The following TLN1 variants were observed in gnomAD, a reference collection of about 807,000 sequenced individuals.
TLN1 encodes the protein talin 1, also known as talin-1.
In TLN1, 56 loss-of-function variants were observed where a neutral mutation model predicts 292.3. The observed-to-expected ratio is 0.19, with a 90% CI of 0.15 to 0.24. The LOEUF (loss-of-function observed/expected upper bound fraction) is 0.24. TLN1 is among the 10% of genes least tolerant of loss of function. TLN1 has a pLI of 1.00. For missense variants in TLN1, 2,433 were observed against 3,248.2 expected (o/e 0.75, Z 6.10); for synonymous variants, 1,119 against 1,253.7 (o/e 0.89, Z 2.27).
At chr9:35,711,901 G>A in intron 28 of TLN1, 104 bp downstream of exon 28, 1 of 1,592,820 alleles carries the variant, frequency 6.3e-7, no homozygotes, top group South Asian at 1.1e-5. Context: ...TAATGAAAGG[G>A]GACAGATCTG....
intron 9 of TLN1, 34 bp downstream of exon 9, chr9:35,722,085 A>C: frequency 6.3e-7 from 1 of 1,580,644 alleles, no homozygotes; most frequent in Non-Finnish European, 8.7e-7. Context: ...AGAGTGGGAA[A>C]CAAGGAGGGC....
chr9:35,714,468 GCTTGGTATTGGGAAAGAGGCT>G lies in TLN1; in HGVS notation c.2985+85_2986-96del, dbSNP rs1825741219. 6 of 1,575,990 alleles carry G rather than the reference GCTTGGTATTGGGAAAGAGGCT, an allele frequency of 3.8e-6. No individual in the cohort carries two copies. In the Admixed American group the frequency reaches 1.0e-4, roughly 27 times the overall value. ...TGGTCAGGATGTAGGGAACACTGGG[GCTTGGTATTGGGAAAGAGGCT>G]CTTGGCAGAGATTCAAACTGTGGGA... On this transcript the variant is annotated intron_variant, in intron 23 of 56. Transcript: ENST00000314888. This position sits in a 1 kb window ranked among gnomAD's most constrained non-coding sequence, Gnocchi z 4.6.
rs1587984093 is a variant in TLN1, at chr9:35,714,440, T to C, written c.2986-67A>G. On this transcript the variant is annotated intron_variant, in intron 23 of 56. Coordinates refer to ENST00000314888, the MANE Select transcript of TLN1 (RefSeq NM_006289.4). The surrounding 1 kb of genome is among the most constrained non-coding windows in gnomAD (Gnocchi z 4.6). ...CTCTGGGCTTGGGTACAAGGACTGATGATGGTCAGGATGTAGGGAACACTG... is the reference window on the plus strand; with the variant it reads ...CTCTGGGCTTGGGTACAAGGACTGACGATGGTCAGGATGTAGGGAACACTG... 1.9e-6 allele frequency: 3 copies of C among 1,575,942 alleles called. No individual in the cohort carries two copies. The highest frequency in any genetic ancestry group is 2.7e-5 in the African/African-American group (2 of 74,418).
Position 35,717,133 on chromosome 9 carries a change from G to A in TLN1, c.2458+13C>T, listed in dbSNP as rs769408641. 1.9e-6 allele frequency: 3 copies of A among 1,584,992 alleles called. No homozygotes were observed. Among genetic ancestry groups the A allele is most frequent in the African/African-American group, 1.3e-5 (1 of 74,258 alleles). On this transcript the variant is annotated intron_variant, in intron 19 of 56. Transcript: ENST00000314888. This position sits in a 1 kb window ranked among gnomAD's most constrained non-coding sequence, Gnocchi z 4.7. ...GGTAGGGTTTTTTGTTTTCCTGGGG[G>A]TGCGTGTCTTACCAGCATCACCCAT...
intron 1 of TLN1, among the ~76,000 whole-genome samples, chr9:35,729,931 G>T (rs1256054044): frequency 3.9e-5 from 6 of 152,140 alleles, no homozygotes; most frequent in Admixed American, 6.5e-5. Context: ...GTTAGTGACT[G>T]CATCAGGCTG....
Position 35,719,758 on chromosome 9 carries a change from C to A in TLN1, c.1560G>T (p.Pro520=). The A allele has an allele frequency of 6.2e-7, 1 of 1,608,748 alleles. No homozygotes were observed. Among genetic ancestry groups the A allele is most frequent in the Non-Finnish European group, 8.5e-7 (1 of 1,177,448 alleles). The part of the protein sequence containing the change: ...QATLDDFDTL[P]PLGQDAASKA... ...TACTTACAGCATCCTGGCCAAGAGG[C>A]GGCAGAGTGTCAAAGTCATCCAGGG... Residue 520 remains proline (P), a synonymous_variant, in exon 14 of 57, where the codon CCG becomes CCT. Coordinates refer to ENST00000314888, the MANE Select transcript of TLN1 (RefSeq NM_006289.4). This position sits in a 1 kb window ranked among gnomAD's most constrained non-coding sequence, Gnocchi z 4.6.
chr9:35,712,411 C>T (rs571220556), intron 27 of TLN1, among the ~76,000 whole-genome samples: 26 of 152,118 alleles, frequency 1.7e-4, no homozygotes, highest in Admixed American at 3.3e-4. Context: ...TATGGGAGGC[C>T]GAGGGGGGCA....
Position 35,699,343 on chromosome 9 carries a change from G to C in TLN1, c.6874+13C>G. ...GGGTTTTCCATCCGTCCCTGTCCCT[G>C]GTCACCCCTCACCCTTCATGGCTTC... On this transcript the variant is annotated intron_variant, in intron 51 of 56. Transcript: ENST00000314888. This position sits in a 1 kb window ranked among gnomAD's most constrained non-coding sequence, Gnocchi z 4.0. The C allele has an allele frequency of 6.2e-7, 1 of 1,605,550 alleles. No individual in the cohort carries two copies. Among genetic ancestry groups the C allele is most frequent in the South Asian group, 1.1e-5 (1 of 89,838 alleles).
chr9:35,713,637 T>C (rs1348457472), intron 25 of TLN1, among the ~76,000 whole-genome samples: 1 of 151,190 alleles, frequency 6.6e-6, no homozygotes, highest in Non-Finnish European at 1.5e-5. Flanking sequence ...TGAGCTGAGA[T>C]TGCACAACTG....
chr9:35,725,606 C>T lies in TLN1; in HGVS notation c.89G>A (p.Arg30His), dbSNP rs772875479. 4.3e-6 allele frequency: 7 copies of T among 1,613,706 alleles called. No homozygotes were observed. The highest frequency in any genetic ancestry group is 3.3e-5 in the South Asian group (3 of 91,084). Residue 30 changes from arginine (R) to histidine (H), a missense_variant, in exon 2 of 57, where the codon CGC becomes CAC. Arg to His is a conservative substitution (Grantham distance 29). This residue lies in a region of TLN1 where 155 missense variants were observed against 287.9 expected (regional missense o/e 0.54). Coordinates refer to ENST00000314888, the MANE Select transcript of TLN1 (RefSeq NM_006289.4). ...EPSTMVYDAC[R>H]IIRERIPEAP... Reference sequence around the variant, plus strand: ...CTCTGGGATCCGCTCACGAATGATGCGGCAGGCGTCGTACACCATGGTAGA... The same window carrying T: ...CTCTGGGATCCGCTCACGAATGATGTGGCAGGCGTCGTACACCATGGTAGA...
chr9:35,717,823 G>C lies in TLN1; in HGVS notation c.1996-37C>G, dbSNP rs1825812284. On this transcript the variant is annotated intron_variant, in intron 17 of 56. Transcript: ENST00000314888. The surrounding 1 kb of genome is among the most constrained non-coding windows in gnomAD (Gnocchi z 4.7). ...CAGCAGTTAGCATGACCTGAGATTG[G>C]GCTTGGGATTCACAGACACTTCTCA... The C allele has an allele frequency of 1.3e-6, 2 of 1,576,740 alleles. No individual in the cohort carries two copies. The highest frequency in any genetic ancestry group is 2.3e-4 in the Middle Eastern group (1 of 4,350).
chr9:35,724,050 G>T lies in TLN1; in HGVS notation c.684C>A (p.His228Gln). ...QARDDILNGS[H>Q]PVSFDKACEF... ...CACAGGCCTTGTCAAAGGAGACAGG[G>T]TGGGAGCCATTCAGGATGTCATCTC... Residue 228 changes from histidine (H) to glutamine (Q), a missense_variant, in exon 7 of 57, where the codon CAC becomes CAA. His to Gln is a conservative substitution (Grantham distance 24). Transcript: ENST00000314888. This position sits in a 1 kb window ranked among gnomAD's most constrained non-coding sequence, Gnocchi z 4.7. 1 of 1,614,006 alleles carries T rather than the reference G, an allele frequency of 6.2e-7. No homozygotes were observed. Among genetic ancestry groups the T allele is most frequent in the Non-Finnish European group, 8.5e-7 (1 of 1,179,924 alleles).
rs758199812 is a variant in TLN1 at position 35,719,732 on chromosome 9, A to T, written c.1578+8T>A. 18 of 1,610,284 alleles carry T rather than the reference A, an allele frequency of 1.1e-5. No homozygotes were observed. The highest frequency in any genetic ancestry group is 1.5e-5 in the Non-Finnish European group (18 of 1,178,058). ...GTACCACCGGCCTCTCCTCCATCCC[A>T]TACTTACAGCATCCTGGCCAAGAGG... On this transcript the variant is annotated splice_region_variant and intron_variant, in intron 14 of 56. Coordinates refer to ENST00000314888, the MANE Select transcript of TLN1 (RefSeq NM_006289.4). The surrounding 1 kb of genome is among the most constrained non-coding windows in gnomAD (Gnocchi z 4.6).
chr9:35,705,730 T>C lies in TLN1; in HGVS notation c.5613+20A>G. The C allele has an allele frequency of 6.2e-7, 1 of 1,614,212 alleles. No individual in the cohort carries two copies. The highest frequency in any genetic ancestry group is 8.5e-7 in the Non-Finnish European group (1 of 1,180,026). Reference sequence around the variant, plus strand: ...AGTCAGCTCTCCGAGGGCAGTCCTCTGGGACTCGCCCAAACTCACCATCTC... The same window carrying C: ...AGTCAGCTCTCCGAGGGCAGTCCTCCGGGACTCGCCCAAACTCACCATCTC... On this transcript the variant is annotated intron_variant, in intron 42 of 56. Transcript: ENST00000314888.
rs1372679017 is a variant in TLN1, at chr9:35,720,044, G to A, written c.1459C>T (p.Pro487Ser). ...SGQMHRGHMP[P>S]LTSAQQALTG... ...GGTGGAAGTGGGACACTTACCAGAGGAGGCATGTGTCCTCGGTGCATCTGG... is the reference window on the plus strand; with the variant it reads ...GGTGGAAGTGGGACACTTACCAGAGAAGGCATGTGTCCTCGGTGCATCTGG... The change falls in exon 13 of 57, where the codon CCT (proline) becomes TCT (serine). Residue 487 changes from proline (P) to serine (S), a missense_variant. Pro to Ser is a moderately conservative substitution (Grantham distance 74). Around this residue, in one of 7 missense-constraint regions of TLN1, gnomAD observed 617 missense variants for 770.6 expected, o/e 0.80. Transcript: ENST00000314888. 2 of 1,586,770 alleles carry A rather than the reference G, an allele frequency of 1.3e-6. No homozygotes were observed. The highest frequency in any genetic ancestry group is 1.7e-6 in the Non-Finnish European group (2 of 1,166,554).
At position 35,707,701 on chromosome 9, in the gene TLN1, G is replaced by T; in HGVS notation, c.4632+30C>A. 1 of 1,613,912 alleles carries T rather than the reference G, an allele frequency of 6.2e-7. No individual in the cohort carries two copies. Among genetic ancestry groups the T allele is most frequent in the Non-Finnish European group, 8.5e-7 (1 of 1,179,876 alleles). On this transcript the variant is annotated intron_variant, in intron 35 of 56. Transcript: ENST00000314888. This position sits in a 1 kb window ranked among gnomAD's most constrained non-coding sequence, Gnocchi z 5.6. ...CGGGGGAGAAGATAGGACAGGTCAGGGAGAGGCTGGGAATTCAAGCAATGG... is the reference window on the plus strand; with the variant it reads ...CGGGGGAGAAGATAGGACAGGTCAGTGAGAGGCTGGGAATTCAAGCAATGG...
rs1825924326 is a variant in TLN1, at chr9:35,724,057, C to T, written c.677G>A (p.Gly226Asp). 6.2e-7 allele frequency: 1 copy of T among 1,613,746 alleles called. No individual in the cohort carries two copies. The highest frequency in any genetic ancestry group is 1.3e-5 in the African/African-American group (1 of 74,888). Residue 226 changes from glycine (G) to aspartate (D), a missense_variant, in exon 7 of 57, where the codon GGC (glycine) becomes GAC (aspartate). Around this residue, in one of 7 missense-constraint regions of TLN1, gnomAD observed 78 missense variants for 88.8 expected, o/e 0.88. Coordinates refer to ENST00000314888, the MANE Select transcript of TLN1 (RefSeq NM_006289.4). This position sits in a 1 kb window ranked among gnomAD's most constrained non-coding sequence, Gnocchi z 4.7. ...YVQARDDILN[G>D]SHPVSFDKAC... ...CTTGTCAAAGGAGACAGGGTGGGAG[C>T]CATTCAGGATGTCATCTCGTGCCTG...
chr9:35,712,214 C>T (rs1374683723), intron 27 of TLN1, 90 bp from the exon 28 acceptor site: 1 of 1,476,286 alleles, frequency 6.8e-7, no homozygotes, highest in Non-Finnish European at 9.1e-7. Context: ...ACTAGCTCTA[C>T]TGCCTCTGAA....
rs1327687675 is a variant in TLN1 at position 35,711,299 on chromosome 9, G to T, written c.3975C>A (p.Asp1325Glu). 1 of 1,614,056 alleles carries T rather than the reference G, an allele frequency of 6.2e-7. No individual in the cohort carries two copies. Among genetic ancestry groups the T allele is most frequent in the East Asian group, 2.2e-5 (1 of 44,894 alleles). Residue 1325 changes from aspartate (D) to glutamate (E), a missense_variant, in exon 30 of 57, where the codon GAC becomes GAA. Physicochemically the swap from Asp to Glu is conservative, Grantham distance 45. This residue lies in a region of TLN1 where 1,384 missense variants were observed against 1,699.6 expected (regional missense o/e 0.81). Coordinates refer to ENST00000314888, the MANE Select transcript of TLN1 (RefSeq NM_006289.4). ...LLLAAKALST[D>E]PAAPNLKSQL... Reference sequence around the variant, plus strand: ...GACTCTTGAGGTTAGGGGCAGCAGGGTCCGTGGACAGGGCCTTGGCAGCCA... The same window carrying T: ...GACTCTTGAGGTTAGGGGCAGCAGGTTCCGTGGACAGGGCCTTGGCAGCCA...
Sources: gnomAD v4.1 joint callset for allele counts (sites outside exome capture counted in the v4.1 genomes callset) on GRCh38, gnomAD v4.1.1 for gene constraint, gnomAD v4.1.1 regional missense constraint, Gnocchi (gnomAD v3.1) non-coding constraint, MANE v1.5 for transcripts, NCBI Gene and HGNC (gene_info 2026-07-23, HGNC 2026-07-21) for gene names.